Variants in TBC1D5 observed in about 807,000 individuals in gnomAD.
TBC1D5 encodes the protein TBC1 domain family member 5, also known as TBC1 domain family, member 5.
TBC1D5 carries 75 observed loss-of-function variants against 100.3 expected under a neutral mutation model. The observed-to-expected ratio is 0.75, with a 90% CI of 0.62 to 0.91. The LOEUF (loss-of-function observed/expected upper bound fraction) is 0.91. Ranked by LOEUF, TBC1D5 falls within the 40% of genes least tolerant of loss-of-function variation. The pLI, the probability that TBC1D5 is intolerant of heterozygous loss-of-function variation, is 0.00. For synonymous variants in TBC1D5, 323 were observed against 325.6 expected (o/e 0.99, Z 0.09); for missense variants, 910 against 942.4 (o/e 0.97, Z 0.45).
At chr3:17,318,475 C>A (rs963674681) in intron 13 of TBC1D5, among the ~76,000 whole-genome samples, 1 of 152,094 alleles carries the variant, frequency 6.6e-6, no homozygotes, top group Non-Finnish European at 1.5e-5. Context: ...TGCATTAGAA[C>A]CACTTGGGGG....
intron 3 of TBC1D5, among the ~76,000 whole-genome samples, chr3:17,499,329 G>C (rs1157239199): frequency 2.0e-5 from 3 of 152,076 alleles, no homozygotes. Flanking sequence ...TCAATAAAAT[G>C]GAGCTTTAAC....
chr3:17,167,710 G>A (rs181733157), intron 20 of TBC1D5, 39 bp downstream of exon 21: 411 of 1,591,822 alleles, frequency 2.6e-4, no homozygotes, highest in Admixed American at 3.8e-4. Flanking sequence ...CCCGCGGCAG[G>A]CGGGACACAA....
At chr3:17,614,593 G>C (rs1414493605) in intron 2 of TBC1D5, among the ~76,000 whole-genome samples, 1 of 152,136 alleles carries the variant, frequency 6.6e-6, no homozygotes, top group African/African-American at 2.4e-5. Context: ...TCCTTGAAGA[G>C]ATCCTTCACA....
intron 9 of TBC1D5, 69 bp from the exon 10 acceptor site, chr3:17,376,682 C>A: frequency 7.6e-7 from 1 of 1,312,164 alleles, no homozygotes; most frequent in East Asian, 2.5e-5. Context: ...AGTATAAACT[C>A]AGTTAAATAC....
intron 2 of TBC1D5, among the ~76,000 whole-genome samples, chr3:17,596,641 C>T (rs139408388): frequency 0.017 from 2,318 of 134,344 alleles, 48 homozygotes; most frequent in South Asian, 0.054. Context: ...ACCCAGGAGG[C>T]GGAGGTTGCA....
At chr3:17,529,452 T>C (rs556959639) in intron 2 of TBC1D5, among the ~76,000 whole-genome samples, 20 of 152,116 alleles carry the variant, frequency 1.3e-4, no homozygotes, top group Non-Finnish European at 2.8e-4. Flanking sequence ...TGGGTGGCCC[T>C]ATCTTTCCAT....
chr3:17,228,247 A>C (rs1311700279), intron 17 of TBC1D5, among the ~76,000 whole-genome samples: 2 of 152,140 alleles, frequency 1.3e-5, no homozygotes, highest in Non-Finnish European at 2.9e-5. Context: ...TTGAGTCTGA[A>C]CTGGGTTGAT....
At chr3:17,200,297 C>T (rs1278361140) in intron 18 of TBC1D5, among the ~76,000 whole-genome samples, 7 of 152,146 alleles carry the variant, frequency 4.6e-5, no homozygotes, top group Non-Finnish European at 8.8e-5. Context: ...CCCCAAACCC[C>T]GGGCTACAGA....
intron 15 of TBC1D5, among the ~76,000 whole-genome samples, chr3:17,289,489 C>G (rs1338592357): frequency 6.6e-6 from 1 of 151,982 alleles, no homozygotes; most frequent in African/African-American, 2.4e-5. Context: ...CAAAAATTAG[C>G]CGGGTGTGAT....
At chr3:17,627,304 A>G (rs2063138923) in intron 1 of TBC1D5, among the ~76,000 whole-genome samples, 1 of 152,154 alleles carries the variant, frequency 6.6e-6, no homozygotes, top group Non-Finnish European at 1.5e-5. Flanking sequence ...CCAGACATTC[A>G]CTGTGAGGGG....
intron 1 of TBC1D5, among the ~76,000 whole-genome samples, chr3:17,659,417 T>A (rs1169710966): frequency 2.0e-5 from 3 of 152,058 alleles, no homozygotes; most frequent in Admixed American, 2.0e-4. Context: ...CAACACCTGT[T>A]AGATGTTACA....
chr3:17,162,873 C>CTT (rs2066208148), intron 21 of TBC1D5, among the ~76,000 whole-genome samples: 1 of 152,306 alleles, frequency 6.6e-6, no homozygotes, highest in South Asian at 2.1e-4. Flanking sequence ...ATTGTAGACA[C>CTT]TTTGTTCATA....
intron 1 of TBC1D5, among the ~76,000 whole-genome samples, chr3:17,671,545 C>A (rs1197262988): frequency 1.3e-5 from 2 of 152,126 alleles, no homozygotes; most frequent in Non-Finnish European, 2.9e-5. Context: ...ATATGAATTT[C>A]AAGCAAAGTA....
chr3:17,732,280 T>G (rs1318988531), intron 1 of TBC1D5, among the ~76,000 whole-genome samples: 1 of 151,724 alleles, frequency 6.6e-6, no homozygotes, highest in Non-Finnish European at 1.5e-5. Flanking sequence ...GTCACACCAC[T>G]GCACTCCAGC....
chr3:17,531,427 T>C (rs2096223275), intron 2 of TBC1D5, among the ~76,000 whole-genome samples: 1 of 152,168 alleles, frequency 6.6e-6, no homozygotes, highest in Non-Finnish European at 1.5e-5. Context: ...ATTTACAGAT[T>C]CAATGCCATC....
intron 5 of TBC1D5, among the ~76,000 whole-genome samples, chr3:17,405,491 T>C (rs1025320137): frequency 2.6e-5 from 4 of 152,044 alleles, no homozygotes; most frequent in African/African-American, 9.7e-5. Flanking sequence ...CAAACAATCT[T>C]AAAATGACAA....
At chr3:17,670,520 G>T (rs750732300) in intron 1 of TBC1D5, among the ~76,000 whole-genome samples, 3 of 152,124 alleles carry the variant, frequency 2.0e-5, no homozygotes, top group Non-Finnish European at 4.4e-5. Flanking sequence ...TACCTTTTAG[G>T]ATAGTAGTTA....
intron 18 of TBC1D5, among the ~76,000 whole-genome samples, chr3:17,190,703 C>G (rs955923210): frequency 5.3e-5 from 8 of 152,148 alleles, no homozygotes; most frequent in Non-Finnish European, 1.0e-4. Flanking sequence ...GTGTTTCTGT[C>G]CATGGACTAA....
intron 3 of TBC1D5, among the ~76,000 whole-genome samples, chr3:17,430,340 C>T (rs1575881149): frequency 6.6e-6 from 1 of 151,622 alleles, no homozygotes; most frequent in East Asian, 1.9e-4. Context: ...ATAGTTCTTC[C>T]TTTAAGGTGA....
Sources: allele counts gnomAD v4.1 joint callset (sites outside exome capture counted in the v4.1 genomes callset), GRCh38; gene constraint gnomAD v4.1.1; transcripts MANE v1.5; gene names NCBI Gene and HGNC (gene_info 2026-07-23, HGNC 2026-07-21).